Variants in DLL4 observed in about 807,000 individuals in gnomAD.
The protein encoded by DLL4 is delta like canonical Notch ligand 4, also known as delta-like protein 4.
DLL4 carries 7 observed loss-of-function variants against 73.6 expected under a neutral mutation model. That is an observed-to-expected ratio of 0.10 (90% CI 0.05 to 0.18). The LOEUF (loss-of-function observed/expected upper bound fraction) is 0.18, where lower values mean the gene tolerates loss of function less well. Among genes scored for constraint, DLL4 ranks in the 10% least tolerant of loss-of-function variants. The probability of loss-of-function intolerance (pLI) is 1.00; values close to 1 mark genes in which losing one functional copy is unlikely to be tolerated. For synonymous variants in DLL4, 345 were observed against 374.3 expected, an observed-to-expected ratio of 0.92 and a Z score of 0.90; for missense variants, 614 against 929.9, an observed-to-expected ratio of 0.66 and a Z score of 4.42.
intron 9 of DLL4, 70 bp downstream of exon 9, chr15:40,937,000 G>T: frequency 7.4e-7 from 1 of 1,344,034 alleles, no homozygotes; most frequent in Non-Finnish European, 1.0e-6. Flanking sequence ...CTCCTCTTAG[G>T]CCAGGCGGGA....
chr15:40,934,603 C>T lies in DLL4; in HGVS notation c.906C>T (p.Asn302=). ...GCAAGAATGGGGCAACGTGCTCCAA[C>T]AGTGGGCAGCGAAGCTACACCTGCA... ...SPCKNGATCS[N]SGQRSYTCTC... The change falls in exon 7 of 11, where the codon AAC becomes AAT. Residue 302 remains asparagine, a synonymous_variant. Transcript: ENST00000249749. 1 of 1,613,932 alleles carries T rather than the reference C, an allele frequency of 6.2e-7. No individual in the cohort carries two copies. Among genetic ancestry groups the T allele is most frequent in the Non-Finnish European group, 8.5e-7 (1 of 1,179,886 alleles).
intron 6 of DLL4, 49 bp downstream of exon 6, chr15:40,932,496 T>C: frequency 6.2e-7 from 1 of 1,605,572 alleles, no homozygotes; most frequent in Non-Finnish European, 8.5e-7. Flanking sequence ...GATATGGGGC[T>C]GGGGGGTGGA....
intron 8 of DLL4, 56 bp from the exon 9 acceptor site, chr15:40,936,172 C>G: frequency 3.4e-6 from 5 of 1,451,814 alleles, no homozygotes; most frequent in Non-Finnish European, 4.6e-6. Context: ...GCTCCCACCC[C>G]CTGCCCCAGG....
At chr15:40,937,595 A>G (rs1892863718) in intron 10 of DLL4, 69 bp downstream of exon 10, 2 of 1,157,080 alleles carry the variant, frequency 1.7e-6, no homozygotes, top group Admixed American at 1.7e-5. Context: ...CTCTTGACCC[A>G]TGGGCCATTC....
chr15:40,937,381 C>T (rs762590756), intron 9 of DLL4, 37 bp from the exon 10 acceptor site: 85 of 1,459,990 alleles, frequency 5.8e-5, no homozygotes, highest in Non-Finnish European at 6.7e-5. Flanking sequence ...AGCCTCTCCC[C>T]GTCCCTCCCT....
rs1205022157 is a variant in DLL4, at chr15:40,936,735, C to T, written c.1748C>T (p.Ala583Val). ...CAGAAGGACAACCTGATTCCTGCCG[C>T]CCAGCTTAAAAACACAAACCAGAAG... Reference protein sequence around the residue: ...DFQKDNLIPAAQLKNTNQKKE... With the variant: ...DFQKDNLIPAVQLKNTNQKKE... Residue 583 changes from alanine to valine, a missense_variant, in exon 9 of 11, where the codon GCC becomes GTC. This residue lies in a region of DLL4 where 386 missense variants were observed against 541.3 expected (regional missense o/e 0.71). Transcript: ENST00000249749. 6.2e-7 allele frequency: 1 copy of T among 1,613,742 alleles called. No homozygotes were observed. The highest frequency in any genetic ancestry group is 1.3e-5 in the African/African-American group (1 of 74,930).
In DLL4 at chr15:40,936,707, T is replaced by C. The variant is rs1892851384; in HGVS notation, c.1720T>C (p.Phe574Leu). The C allele has an allele frequency of 6.2e-7, 1 of 1,613,728 alleles. No individual in the cohort carries two copies. The highest frequency in any genetic ancestry group is 8.5e-7 in the Non-Finnish European group (1 of 1,179,880). ...GGAAGCCATGAACAACTTGTCGGAC[T>C]TCCAGAAGGACAACCTGATTCCTGC... ...SREAMNNLSD[F>L]QKDNLIPAAQ... Residue 574 changes from phenylalanine (F) to leucine (L), a missense_variant, in exon 9 of 11, where the codon TTC becomes CTC. Coordinates refer to ENST00000249749, the MANE Select transcript of DLL4 (RefSeq NM_019074.4).
intron 8 of DLL4, 86 bp from the exon 9 acceptor site, chr15:40,936,142 G>A (rs1006837437): frequency 1.2e-5 from 15 of 1,250,128 alleles, no homozygotes; most frequent in East Asian, 2.5e-5. Context: ...AGAAGGGCCC[G>A]AACGTGTTCC....
rs1359929548 is a variant in DLL4 at position 40,935,020 on chromosome 15, C to G, written c.1143C>G (p.Asn381Lys). 3 of 1,613,560 alleles carry G rather than the reference C, an allele frequency of 1.9e-6. No homozygotes were observed. Among genetic ancestry groups the G allele is most frequent in the South Asian group, 1.1e-5 (1 of 91,092 alleles). ...ATGGGGGCTCCTGCCGGGAGCGCAA[C>G]CAGGGGGCCAACTATGCTTGTGAAT... ...CFNGGSCRER[N>K]QGANYACECP... The change falls in exon 8 of 11, where the codon AAC becomes AAG. Residue 381 changes from asparagine to lysine, a missense_variant. Transcript: ENST00000249749.
intron 4 of DLL4, 49 bp from the exon 5 acceptor site, chr15:40,932,122 A>G: frequency 6.2e-7 from 1 of 1,606,724 alleles, no homozygotes; most frequent in Non-Finnish European, 8.5e-7. Flanking sequence ...AATGGGGCTT[A>G]AGAGTCCTTG....
chr15:40,931,316 G>C (rs1892766733), intron 3 of DLL4, 187 bp from the exon 4 acceptor site: 3 of 645,730 alleles, frequency 4.6e-6, no homozygotes, highest in Non-Finnish European at 8.0e-6. Context: ...ACACACGTAG[G>C]GCAGCTACGT....
chr15:40,933,268 T>G (rs1892794626), intron 6 of DLL4, among the ~76,000 whole-genome samples: 1 of 147,344 alleles, frequency 6.8e-6, no homozygotes, highest in South Asian at 2.2e-4. Flanking sequence ...AGTCCCTGTG[T>G]TGTGTGTGTG....
chr15:40,938,019 T>C lies in DLL4; in HGVS notation c.2053-10T>C, dbSNP rs1444335226. The C allele has an allele frequency of 6.2e-7, 1 of 1,600,370 alleles. No individual in the cohort carries two copies. The highest frequency in any genetic ancestry group is 1.7e-5 in the Admixed American group (1 of 57,976). On this transcript the variant is annotated splice_polypyrimidine_tract_variant and intron_variant, in intron 10 of 10. Transcript: ENST00000249749. ...GGTAACCTGTTTCCCTGCCTTCCGC[T>C]TGCTCCCAGGTATAAGGCAGGAGCC... is the stretch of plus-strand genomic sequence containing the variant.
intron 9 of DLL4, 93 bp downstream of exon 9, chr15:40,937,023 G>A (rs1448479604): frequency 8.8e-6 from 10 of 1,138,182 alleles, no homozygotes; most frequent in African/African-American, 3.1e-5. Flanking sequence ...CAGTTAAGCA[G>A]CTGAGGTTTT....
Position 40,930,384 on chromosome 15 carries a change from C to T in DLL4, c.337-241C>T. The T allele has an allele frequency of 3.2e-6, 2 of 630,986 alleles. No homozygotes were observed. Among genetic ancestry groups the T allele is most frequent in the Admixed American group, 2.9e-5 (1 of 34,574 alleles). The allele number at this position is 630,986 out of a possible 1,614,324, so 39.1% of individuals were successfully genotyped here. On this transcript the variant is annotated intron_variant, in intron 2 of 10. Transcript: ENST00000249749. This position sits in a 1 kb window ranked among gnomAD's most constrained non-coding sequence, Gnocchi z 5.7. ...CCTACCACTCTGGGGCGGTACCCTA[C>T]CACCCCCTCCTCCAGTGGCTCTCCC...
At chr15:40,935,145 T>C (rs1043128209) in intron 8 of DLL4, 28 bp downstream of exon 8, 1 of 1,596,292 alleles carries the variant, frequency 6.3e-7, no homozygotes, top group East Asian at 2.2e-5. Context: ...GCTAACCTGG[T>C]GGACTGGCCC....
chr15:40,931,759 C>T lies in DLL4; in HGVS notation c.651C>T (p.Cys217=), dbSNP rs771338903. 12 of 1,613,412 alleles carry T rather than the reference C, an allele frequency of 7.4e-6. No homozygotes were observed. In the African/African-American group the frequency reaches 8.0e-5, roughly 11 times the overall value. Residue 217 remains cysteine (C), a synonymous_variant, in exon 4 of 11, where the codon TGC becomes TGT. Transcript: ENST00000249749. ...SCLPGWTGEY[C]QQPICLSGCH... ...TGCCCGGTTGGACTGGGGAATATTG[C>T]CAACAGCGTAAGCAGTCAAGCTCCC...
At position 40,936,502 on chromosome 15, in the gene DLL4, G is replaced by A; in HGVS notation, c.1515G>A (p.Val505=). The A allele has an allele frequency of 1.2e-6, 2 of 1,611,776 alleles. No individual in the cohort carries two copies. The highest frequency in any genetic ancestry group is 1.3e-5 in the African/African-American group (1 of 75,042). ...CCGACCTCTCCACAGACACCTTTGT[G>A]TGCAACTGCCCTTATGGCTTTGTGG... ...CYTDLSTDTF[V]CNCPYGFVGS... Residue 505 remains valine (V), a synonymous_variant, in exon 9 of 11, where the codon GTG becomes GTA. Transcript: ENST00000249749.
At chr15:40,933,519 C>G (rs991059851) in intron 6 of DLL4, among the ~76,000 whole-genome samples, 8 of 152,154 alleles carry the variant, frequency 5.3e-5, no homozygotes, top group African/African-American at 1.9e-4. Flanking sequence ...CTTGTAACAC[C>G]TCTTCCTTTA....
Sources: gnomAD v4.1 joint callset for allele counts (sites outside exome capture counted in the v4.1 genomes callset) on GRCh38, gnomAD v4.1.1 for gene constraint, gnomAD v4.1.1 regional missense constraint, Gnocchi (gnomAD v3.1) non-coding constraint, MANE v1.5 for transcripts, NCBI Gene and HGNC (gene_info 2026-07-23, HGNC 2026-07-21) for gene names.